Variants in DLG2 observed in about 807,000 individuals in gnomAD.
DLG2 encodes disks large homolog 2.
Under a neutral mutation model 132.5 loss-of-function variants are expected in DLG2, and 45 were observed. The observed-to-expected ratio is 0.34, with a 90% CI of 0.27 to 0.44. The LOEUF (loss-of-function observed/expected upper bound fraction) is 0.44, where lower values mean the gene tolerates loss of function less well. Among genes scored for constraint, DLG2 ranks in the 20% least tolerant of loss-of-function variants. DLG2 has a pLI of 1.00. For missense variants in DLG2, 1,045 were observed against 1,196.9 expected (o/e 0.87, Z 1.87); for synonymous variants, 424 against 419.6 (o/e 1.01, Z -0.13).
intron 3 of DLG2, among the ~76,000 whole-genome samples, chr11:85,364,188 CA>C (rs2084366783): frequency 6.6e-6 from 1 of 152,084 alleles, no homozygotes; most frequent in African/African-American, 2.4e-5. Flanking sequence ...GTATTTGTAT[CA>C]GTATCTAGAA....
At chr11:83,931,867 A>C (rs2080303478) in intron 14 of DLG2, among the ~76,000 whole-genome samples, 1 of 152,190 alleles carries the variant, frequency 6.6e-6, no homozygotes, top group African/African-American at 2.4e-5. Context: ...TAGTGGACTG[A>C]TATTTGCTAA....
chr11:84,963,025 T>C (rs1399387002), intron 6 of DLG2, among the ~76,000 whole-genome samples: 1 of 152,200 alleles, frequency 6.6e-6, no homozygotes, highest in Non-Finnish European at 1.5e-5. Context: ...TTCTCTATAG[T>C]AAATTGCAGT....
At chr11:85,418,628 G>A (rs939619138) in intron 3 of DLG2, among the ~76,000 whole-genome samples, 1 of 152,166 alleles carries the variant, frequency 6.6e-6, no homozygotes, top group Non-Finnish European at 1.5e-5. Flanking sequence ...CAGTGCTCCT[G>A]TATTAGGTGT....
At chr11:83,949,606 C>G (rs1186901224) in intron 14 of DLG2, among the ~76,000 whole-genome samples, 2 of 152,002 alleles carry the variant, frequency 1.3e-5, no homozygotes, top group Non-Finnish European at 2.9e-5. Flanking sequence ...ATGGCAGAGC[C>G]TTTAATTAAT....
intron 6 of DLG2, among the ~76,000 whole-genome samples, chr11:84,792,715 G>T (rs2074036976): frequency 6.6e-6 from 1 of 151,976 alleles, no homozygotes; most frequent in African/African-American, 2.4e-5. Context: ...ACATATAGTT[G>T]CTCATGGTAG....
chr11:83,514,848 G>A (rs1206664014), intron 21 of DLG2, among the ~76,000 whole-genome samples: 1 of 152,230 alleles, frequency 6.6e-6, no homozygotes, highest in East Asian at 1.9e-4. Flanking sequence ...ATTTGCGTAT[G>A]TTGAACCAAC....
Position 85,600,669 on chromosome 11 carries a change from G to C in DLG2, c.-92-1881C>G, listed in dbSNP as rs570078431. Among the ~76,000 whole-genome samples, 3 of 152,266 alleles carry C rather than the reference G, an allele frequency of 2.0e-5. No individual in the cohort carries two copies. In the South Asian group the frequency reaches 6.2e-4, roughly 32 times the overall value. ...ATGAATGAGTAGTTCCAACATATATGTGGTTTGATTATGTTGTCATATTAA... is the reference window on the plus strand; with the variant it reads ...ATGAATGAGTAGTTCCAACATATATCTGGTTTGATTATGTTGTCATATTAA... On this transcript the variant is annotated intron_variant, in intron 2 of 27. Transcript: ENST00000376104.
intron 9 of DLG2, among the ~76,000 whole-genome samples, chr11:84,158,628 T>G (rs1041888690): frequency 2.0e-5 from 3 of 152,316 alleles, no homozygotes; most frequent in African/African-American, 7.2e-5. Context: ...GGAGTGTTAC[T>G]AAATGTGATT....
chr11:84,218,871 A>G (rs1267579542), intron 8 of DLG2, among the ~76,000 whole-genome samples: 4 of 152,208 alleles, frequency 2.6e-5, no homozygotes, highest in African/African-American at 9.7e-5. Flanking sequence ...ATGACAACAA[A>G]TTATCCAATG....
chr11:85,098,555 T>C (rs546735127), intron 6 of DLG2, among the ~76,000 whole-genome samples: 1 of 152,330 alleles, frequency 6.6e-6, no homozygotes, highest in Non-Finnish European at 1.5e-5. Context: ...AGTACAACTT[T>C]TTAATGTAAA....
chr11:84,703,111 G>A (rs2059376224), intron 6 of DLG2, among the ~76,000 whole-genome samples: 1 of 151,496 alleles, frequency 6.6e-6, no homozygotes, highest in South Asian at 2.1e-4. Flanking sequence ...ACACTTAAAA[G>A]GGGCTTACCT....
chr11:84,373,265 C>CAAAAAAAAAAA lies in DLG2; in HGVS notation c.520-121975_520-121974insTTTTTTTTTTT, dbSNP rs59038372. On this transcript the variant is annotated intron_variant, in intron 7 of 27. Coordinates refer to ENST00000376104, the MANE Select transcript of DLG2 (RefSeq NM_001142699.3). ...AGAAACAGTCAAAAAAAAAAAAAAA[C>CAAAAAAAAAAA]AAAACAAAAAAAAAACCCACCAGGC... Among the ~76,000 whole-genome samples the CAAAAAAAAAAA allele has an allele frequency of 4.5e-3, 442 of 98,038 alleles. 28 individuals carry two copies. The highest frequency in any genetic ancestry group is 0.017 in the African/African-American group (378 of 21,942). The allele number at this position is 98,038 out of a possible 152,430, so 64.3% of individuals were successfully genotyped here.
chr11:84,124,847 CTTTTTTT>C (rs34177526), intron 9 of DLG2, among the ~76,000 whole-genome samples: 1 of 121,230 alleles, frequency 8.2e-6, no homozygotes, highest in Non-Finnish European at 1.6e-5. Context: ...CTTGTTTTCA[CTTTTTTT>C]TTTTTTTTTT....
intron 6 of DLG2, among the ~76,000 whole-genome samples, chr11:85,004,939 C>T (rs1377003627): frequency 6.6e-6 from 1 of 152,194 alleles, no homozygotes; most frequent in Non-Finnish European, 1.5e-5. Context: ...CAGTTCTCTG[C>T]ATATGGCTAG....
intron 18 of DLG2, among the ~76,000 whole-genome samples, chr11:83,785,935 A>T (rs1212270357): frequency 2.0e-5 from 3 of 152,172 alleles, no homozygotes; most frequent in African/African-American, 7.2e-5. Context: ...TTCTTTTTTT[A>T]ATAACAAGAT....
intron 6 of DLG2, among the ~76,000 whole-genome samples, chr11:84,542,488 A>G (rs2099377421): frequency 6.6e-6 from 1 of 152,212 alleles, no homozygotes; most frequent in Admixed American, 6.5e-5. Context: ...GAACCCTGAC[A>G]TGTATCTTTG....
chr11:85,308,761 A>G (rs1470084073), intron 3 of DLG2, among the ~76,000 whole-genome samples: 1 of 152,186 alleles, frequency 6.6e-6, no homozygotes, highest in Non-Finnish European at 1.5e-5. Context: ...ATTTAACTTT[A>G]CTATATAAGC....
intron 6 of DLG2, among the ~76,000 whole-genome samples, chr11:84,752,394 G>A (rs910370132): frequency 4.6e-5 from 7 of 152,092 alleles, no homozygotes; most frequent in Admixed American, 1.3e-4. Context: ...AGCAATATGT[G>A]CTGTGAAAAT....
At chr11:83,916,728 AAACACTGTT>A (rs537698997) in intron 15 of DLG2, among the ~76,000 whole-genome samples, 18 of 152,298 alleles carry the variant, frequency 1.2e-4, no homozygotes, top group Non-Finnish European at 2.4e-4. Context: ...TCCCTGAGGT[AAACACTGTT>A]AACCTGAGGT....
Sources: gnomAD v4.1 joint callset for allele counts (sites outside exome capture counted in the v4.1 genomes callset) on GRCh38, gnomAD v4.1.1 for gene constraint, MANE v1.5 for transcripts, NCBI Gene and HGNC (gene_info 2026-07-23, HGNC 2026-07-21) for gene names.